Variants in HSDL2 observed in about 807,000 individuals in gnomAD.
HSDL2 encodes hydroxysteroid dehydrogenase like 2.
HSDL2 carries 27 observed loss-of-function variants against 46.3 expected under a neutral mutation model. The observed-to-expected ratio is 0.58, with a 90% CI of 0.43 to 0.80. The LOEUF (loss-of-function observed/expected upper bound fraction) is 0.80, where lower values mean the gene tolerates loss of function less well. Ranked by LOEUF, HSDL2 falls within the 30% of genes least tolerant of loss-of-function variation. The probability of loss-of-function intolerance (pLI) is 0.00; values close to 1 mark genes in which losing one functional copy is unlikely to be tolerated. For synonymous variants in HSDL2, 153 were observed against 163.6 expected (o/e 0.94, Z 0.50); for missense variants, 451 against 502.7 (o/e 0.90, Z 0.98).
chr9:112,432,726 T>C (rs1163284159), intron 6 of HSDL2, among the ~76,000 whole-genome samples: 1 of 152,186 alleles, frequency 6.6e-6, no homozygotes, highest in African/African-American at 2.4e-5. Flanking sequence ...TTTACAGTCA[T>C]GTTCCTTGTG....
intron 1 of HSDL2, among the ~76,000 whole-genome samples, chr9:112,396,419 T>C (rs1587930763): frequency 6.6e-6 from 1 of 152,130 alleles, no homozygotes; most frequent in Non-Finnish European, 1.5e-5. Flanking sequence ...AGGTGGGCTG[T>C]TGTTTAGAAA....
At chr9:112,416,767 C>T in intron 4 of HSDL2, 74 bp from the exon 5 acceptor site, 1 of 715,730 alleles carries the variant, frequency 1.4e-6, no homozygotes. Context: ...AGCAAGGCCC[C>T]CTCTCTTAAA....
intron 1 of HSDL2, among the ~76,000 whole-genome samples, chr9:112,385,254 A>G (rs1307927428): frequency 6.6e-6 from 1 of 152,210 alleles, no homozygotes; most frequent in Non-Finnish European, 1.5e-5. Flanking sequence ...CAAAAATGAT[A>G]GGCCAGAAAT....
chr9:112,430,407 T>C (rs1385067337), intron 6 of HSDL2, among the ~76,000 whole-genome samples: 1 of 152,022 alleles, frequency 6.6e-6, no homozygotes, highest in East Asian at 1.9e-4. Flanking sequence ...CATAAGGAAA[T>C]GGGGGTCAGA....
chr9:112,433,794 A>C (rs992204587), intron 6 of HSDL2: 2 of 152,374 alleles, frequency 1.3e-5, no homozygotes, highest in Non-Finnish European at 2.9e-5. Context: ...ACCAGAAGTA[A>C]TCTCCCAACA....
rs1214851780 is a variant in HSDL2 at position 112,408,953 on chromosome 9, T to C, written c.327T>C (p.Asn109=). Residue 109 remains asparagine (N), a synonymous_variant, in exon 4 of 11, where the codon AAT becomes AAC. Coordinates refer to ENST00000398805, the MANE Select transcript of HSDL2 (RefSeq NM_032303.5). ...ATGCCAGTGCCATTAGTTTGACCAA[T>C]ACATTGGACACACCTACCAAGAGAT... The part of the protein sequence containing the change: ...VNNASAISLT[N]TLDTPTKRLD... 4 of 1,606,242 alleles carry C rather than the reference T, an allele frequency of 2.5e-6. No individual in the cohort carries two copies. In the East Asian group the frequency reaches 9.0e-5, roughly 36 times the overall value.
chr9:112,387,035 A>G (rs1275206956), intron 1 of HSDL2, among the ~76,000 whole-genome samples: 1 of 152,202 alleles, frequency 6.6e-6, no homozygotes, highest in African/African-American at 2.4e-5. Flanking sequence ...CAGGCCAACC[A>G]TAAGAAAAAC....
intron 4 of HSDL2, among the ~76,000 whole-genome samples, chr9:112,413,537 T>G (rs1831926825): frequency 1.3e-5 from 2 of 152,156 alleles, no homozygotes; most frequent in African/African-American, 4.8e-5. Context: ...TTTATTTTAT[T>G]TTTACTTCCC....
At chr9:112,438,801 T>A in intron 7 of HSDL2, 176 bp downstream of exon 7, 1 of 470,886 alleles carries the variant, frequency 2.1e-6, no homozygotes. Flanking sequence ...AAAAGATGAA[T>A]GAAAAATAGA....
chr9:112,409,239 G>C (rs538681767), intron 4 of HSDL2, among the ~76,000 whole-genome samples: 2 of 151,974 alleles, frequency 1.3e-5, no homozygotes, highest in Admixed American at 1.3e-4. Context: ...GCCCAGGCTG[G>C]AGTGCAGTGG....
At chr9:112,456,482 C>T (rs183614344) in intron 9 of HSDL2, among the ~76,000 whole-genome samples, 6 of 152,244 alleles carry the variant, frequency 3.9e-5, no homozygotes, top group Admixed American at 3.9e-4. Context: ...TCCTTGCTTT[C>T]CTTCCCTGCC....
intron 2 of HSDL2, among the ~76,000 whole-genome samples, chr9:112,405,417 C>A (rs117348944): frequency 1.3e-3 from 199 of 152,120 alleles, no homozygotes; most frequent in Non-Finnish European, 2.4e-3. Context: ...ACAAAGAAAC[C>A]CCCACCAAAC....
At chr9:112,409,861 A>G (rs566203663) in intron 4 of HSDL2, among the ~76,000 whole-genome samples, 79 of 152,182 alleles carry the variant, frequency 5.2e-4, no homozygotes, top group Non-Finnish European at 7.6e-4. Context: ...CAAAGAAAAA[A>G]AAAAAAGACT....
At chr9:112,398,443 C>T (rs1007744919) in intron 1 of HSDL2, among the ~76,000 whole-genome samples, 1 of 151,988 alleles carries the variant, frequency 6.6e-6, no homozygotes, top group Non-Finnish European at 1.5e-5. Flanking sequence ...GTGGGAGCTA[C>T]AAGTACCGGC....
At chr9:112,460,427 A>G (rs1431007060) in intron 10 of HSDL2, among the ~76,000 whole-genome samples, 1 of 152,038 alleles carries the variant, frequency 6.6e-6, no homozygotes, top group South Asian at 2.1e-4. Context: ...CCCTTTTTTT[A>G]TAGTGGTGTT....
intron 6 of HSDL2, among the ~76,000 whole-genome samples, chr9:112,427,012 T>C (rs1244443809): frequency 2.0e-5 from 3 of 152,178 alleles, no homozygotes; most frequent in Admixed American, 2.0e-4. Context: ...ACTCCACTTC[T>C]AACCTCACCA....
At chr9:112,427,731 C>T (rs542162575) in intron 6 of HSDL2, among the ~76,000 whole-genome samples, 2 of 152,058 alleles carry the variant, frequency 1.3e-5, no homozygotes, top group African/African-American at 2.4e-5. Flanking sequence ...TTCTCCCAGT[C>T]GTATCATTTA....
At chr9:112,458,501 A>AT (rs1402729732) in intron 9 of HSDL2, among the ~76,000 whole-genome samples, 3 of 151,204 alleles carry the variant, frequency 2.0e-5, no homozygotes, top group African/African-American at 7.3e-5. Context: ...AATTTTTTGT[A>AT]TTTTTAGTAG....
At chr9:112,423,646 G>A (rs1832177297) in intron 6 of HSDL2, among the ~76,000 whole-genome samples, 1 of 151,880 alleles carries the variant, frequency 6.6e-6, no homozygotes, top group South Asian at 2.1e-4. Flanking sequence ...TATGAGCATG[G>A]GAACATTAGG....
Sources: gnomAD v4.1 joint callset for allele counts (sites outside exome capture counted in the v4.1 genomes callset) on GRCh38, gnomAD v4.1.1 for gene constraint, MANE v1.5 for transcripts, NCBI Gene and HGNC (gene_info 2026-07-23, HGNC 2026-07-21) for gene names.